Variants in PTPRG observed in about 807,000 individuals in gnomAD.
PTPRG encodes protein tyrosine phosphatase receptor type G, also known as receptor-type tyrosine-protein phosphatase gamma.
Under a neutral mutation model 165.3 loss-of-function variants are expected in PTPRG, and 102 were observed. That is an observed-to-expected ratio of 0.62 (90% CI 0.53 to 0.73). The LOEUF is 0.73. Ranked by LOEUF, PTPRG falls within the 30% of genes least tolerant of loss-of-function variation. The pLI is 0.00. For synonymous variants in PTPRG, 675 were observed against 669.5 expected (o/e 1.01, Z -0.13); for missense variants, 1,866 against 1,861.4 (o/e 1.00, Z -0.05).
chr3:61,609,710 T>C (rs1181200292), intron 1 of PTPRG, among the ~76,000 whole-genome samples: 9 of 151,624 alleles, frequency 5.9e-5, no homozygotes, highest in Non-Finnish European at 1.3e-4. Context: ...ACCAAAAAAA[T>C]TAGCTGGGTG....
chr3:62,053,819 G>A (rs995864336), intron 4 of PTPRG, among the ~76,000 whole-genome samples: 2 of 152,100 alleles, frequency 1.3e-5, no homozygotes, highest in Non-Finnish European at 2.9e-5. Flanking sequence ...TTAGAGTTAC[G>A]AGGCTCAAAC....
At chr3:62,062,798 G>T (rs2106696006) in intron 4 of PTPRG, among the ~76,000 whole-genome samples, 1 of 152,244 alleles carries the variant, frequency 6.6e-6, no homozygotes, top group East Asian at 1.9e-4. Context: ...AAGTAGCATG[G>T]ACCACAGGCA....
chr3:61,987,106 T>C (rs758101158), intron 2 of PTPRG, among the ~76,000 whole-genome samples: 24 of 152,180 alleles, frequency 1.6e-4, no homozygotes, highest in Non-Finnish European at 3.1e-4. Context: ...GAATAGATAA[T>C]CAATATCTGC....
chr3:61,730,433 A>G (rs1476982631), intron 1 of PTPRG, among the ~76,000 whole-genome samples: 1 of 152,226 alleles, frequency 6.6e-6, no homozygotes, highest in Non-Finnish European at 1.5e-5. Flanking sequence ...AAACTTATAA[A>G]AGACTTTCAT....
chr3:62,025,155 A>C (rs527416772), intron 4 of PTPRG, among the ~76,000 whole-genome samples: 1 of 152,254 alleles, frequency 6.6e-6, no homozygotes, highest in African/African-American at 2.4e-5. Flanking sequence ...AAACACTAAA[A>C]ATTTTTAATA....
At chr3:62,275,729 C>A in intron 23 of PTPRG, 144 bp from the exon 24 acceptor site, 1 of 600,862 alleles carries the variant, frequency 1.7e-6, no homozygotes, top group Non-Finnish European at 2.9e-6. Context: ...GGCAAGAGAG[C>A]AAGACCCTGT....
At chr3:61,658,386 G>C (rs1309637234) in intron 1 of PTPRG, among the ~76,000 whole-genome samples, 1 of 152,170 alleles carries the variant, frequency 6.6e-6, no homozygotes, top group East Asian at 1.9e-4. Flanking sequence ...TGGAGTCACA[G>C]TGGAGAGCCT....
At chr3:61,606,764 G>GGTC (rs1701020809) in intron 1 of PTPRG, among the ~76,000 whole-genome samples, 1 of 152,144 alleles carries the variant, frequency 6.6e-6, no homozygotes, top group Non-Finnish European at 1.5e-5. Flanking sequence ...AGGCGCTGTG[G>GGTC]GTCCTCTTTT....
At chr3:62,081,713 T>TA (rs899237561) in intron 5 of PTPRG, among the ~76,000 whole-genome samples, 34 of 152,192 alleles carry the variant, frequency 2.2e-4, no homozygotes, top group African/African-American at 7.7e-4. Context: ...GCAATGCAAA[T>TA]AAAAAAAATT....
At chr3:61,647,458 G>C (rs1702229497) in intron 1 of PTPRG, among the ~76,000 whole-genome samples, 1 of 152,156 alleles carries the variant, frequency 6.6e-6, no homozygotes, top group Non-Finnish European at 1.5e-5. Flanking sequence ...TAATGAGCTA[G>C]ATGATCCTGT....
At chr3:61,932,398 C>T (rs188486713) in intron 2 of PTPRG, among the ~76,000 whole-genome samples, 4 of 152,300 alleles carry the variant, frequency 2.6e-5, no homozygotes, top group African/African-American at 4.8e-5. Context: ...CAGCCTCAGG[C>T]GTCTTAGCCA....
intron 2 of PTPRG, among the ~76,000 whole-genome samples, chr3:61,789,151 A>G (rs2034797124): frequency 6.6e-6 from 1 of 151,904 alleles, no homozygotes; most frequent in Non-Finnish European, 1.5e-5. Context: ...CCACACTGGA[A>G]TGCAGTAGCA....
At chr3:62,065,407 C>G (rs1175276625) in intron 4 of PTPRG, among the ~76,000 whole-genome samples, 3 of 152,118 alleles carry the variant, frequency 2.0e-5, no homozygotes, top group Non-Finnish European at 4.4e-5. Flanking sequence ...AGAAATCTGT[C>G]TGATCAATGA....
chr3:61,680,598 C>G (rs1400087543), intron 1 of PTPRG, among the ~76,000 whole-genome samples: 1 of 25,206 alleles, frequency 4.0e-5, no homozygotes, highest in Non-Finnish European at 2.2e-4. Flanking sequence ...TCATTCTGTC[C>G]TTCAAAAAAA....
chr3:61,712,377 A>G (rs141954080), intron 1 of PTPRG, among the ~76,000 whole-genome samples: 2,292 of 152,112 alleles, frequency 0.015, 23 homozygotes, highest in Non-Finnish European at 0.024. Flanking sequence ...GCAAGTTCCT[A>G]AACATCCATA....
At chr3:62,010,069 C>T (rs2041384193) in intron 4 of PTPRG, among the ~76,000 whole-genome samples, 1 of 152,076 alleles carries the variant, frequency 6.6e-6, no homozygotes, top group African/African-American at 2.4e-5. Context: ...AACCACACAC[C>T]ACCGTGCCCA....
chr3:62,296,035 A>T lies in PTPRG; in HGVS notation c.*2728A>T, dbSNP rs1703051667. 6.6e-6 allele frequency: 1 copy of T among 152,096 alleles called. No homozygotes were observed. Among genetic ancestry groups the T allele is most frequent in the African/African-American group, 2.4e-5 (1 of 41,434 alleles). The allele number at this position is 152,096 out of a possible 1,614,324, so 9.4% of individuals were successfully genotyped here. Reference sequence around the variant, plus strand: ...TGTTTGTGTATATGAATTTAGCTCTAGGTAAGCAAAATGCACACATCATAT... The same window carrying T: ...TGTTTGTGTATATGAATTTAGCTCTTGGTAAGCAAAATGCACACATCATAT... On this transcript the variant is annotated 3_prime_UTR_variant, in exon 30 of 30. Transcript: ENST00000474889.
At chr3:61,928,626 T>A (rs943816409) in intron 2 of PTPRG, among the ~76,000 whole-genome samples, 1 of 152,206 alleles carries the variant, frequency 6.6e-6, no homozygotes, top group Non-Finnish European at 1.5e-5. Context: ...ACAAAAGCTT[T>A]TATAGTGTGA....
chr3:62,280,645 GT>G (rs1014898294), intron 26 of PTPRG, among the ~76,000 whole-genome samples: 10 of 152,102 alleles, frequency 6.6e-5, no homozygotes, highest in Admixed American at 5.9e-4. Context: ...ATGGAAAACT[GT>G]CTGGAGGTTT....
Sources: allele counts gnomAD v4.1 joint callset (sites outside exome capture counted in the v4.1 genomes callset), GRCh38; gene constraint gnomAD v4.1.1; transcripts MANE v1.5; gene names NCBI Gene and HGNC (gene_info 2026-07-23, HGNC 2026-07-21).